Variants in OLA1 observed in about 807,000 individuals in gnomAD.
The protein encoded by OLA1 is Obg like ATPase 1, also known as obg-like ATPase 1.
Under a neutral mutation model 48.4 loss-of-function variants are expected in OLA1, and 14 were observed. That is an observed-to-expected ratio of 0.29 (90% CI 0.19 to 0.45). The LOEUF is 0.45. Ranked by LOEUF, OLA1 falls within the 20% of genes least tolerant of loss-of-function variation. The probability of loss-of-function intolerance (pLI) is 1.00; values close to 1 mark genes in which losing one functional copy is unlikely to be tolerated. For synonymous variants in OLA1, 127 were observed against 150.4 expected (o/e 0.84, Z 1.14); for missense variants, 325 against 467.1 (o/e 0.70, Z 2.80).
chr2:174,227,214 G>T (rs1422676582), intron 3 of OLA1, among the ~76,000 whole-genome samples: 1 of 152,028 alleles, frequency 6.6e-6, no homozygotes, highest in Admixed American at 6.6e-5. Flanking sequence ...AGACCACCCT[G>T]GGGCAACACA....
chr2:174,109,892 A>G (rs1685607027), intron 7 of OLA1, among the ~76,000 whole-genome samples: 2 of 152,152 alleles, frequency 1.3e-5, no homozygotes, highest in South Asian at 4.1e-4. Flanking sequence ...CTTTTTTTGT[A>G]CCTATCACCC....
chr2:174,144,308 T>C (rs1686528262), intron 4 of OLA1, among the ~76,000 whole-genome samples: 1 of 152,098 alleles, frequency 6.6e-6, no homozygotes, highest in African/African-American at 2.4e-5. Context: ...GCCCCAAGGT[T>C]AGTATTATTG....
At chr2:174,191,861 T>C (rs1308685828) in intron 4 of OLA1, among the ~76,000 whole-genome samples, 6 of 152,190 alleles carry the variant, frequency 3.9e-5, no homozygotes, top group African/African-American at 1.4e-4. Flanking sequence ...GCTGTCTAAA[T>C]TCTAGATGCA....
intron 7 of OLA1, among the ~76,000 whole-genome samples, chr2:174,087,459 G>A (rs1685008759): frequency 7.4e-6 from 1 of 134,894 alleles, no homozygotes; most frequent in African/African-American, 2.6e-5. Flanking sequence ...CATCTTAACA[G>A]GAAGCACTTC....
At chr2:174,208,862 G>A (rs1433104549) in intron 4 of OLA1, among the ~76,000 whole-genome samples, 2 of 152,168 alleles carry the variant, frequency 1.3e-5, no homozygotes, top group African/African-American at 2.4e-5. Flanking sequence ...ATGTATCAGA[G>A]CATCAAATAA....
Position 174,150,764 on chromosome 2 carries a change from A to C in OLA1, c.374-8764T>G, listed in dbSNP as rs561097520. The stretch of plus-strand genomic sequence containing the variant: ...AGAATTAAAATCAAAAGTCAAAATA[A>C]AAGGATCTTGATCTCAGTAACTGGA... On this transcript the variant is annotated intron_variant, in intron 4 of 10. Coordinates refer to ENST00000284719, the MANE Select transcript of OLA1 (RefSeq NM_013341.5). Among the ~76,000 whole-genome samples, 4 of 152,322 alleles carry C rather than the reference A, an allele frequency of 2.6e-5. 1 individual carries two copies. The highest frequency in any genetic ancestry group is 9.6e-5 in the African/African-American group (4 of 41,572).
At chr2:174,210,678 C>G (rs1688220973) in intron 4 of OLA1, among the ~76,000 whole-genome samples, 1 of 152,028 alleles carries the variant, frequency 6.6e-6, no homozygotes, top group African/African-American at 2.4e-5. Flanking sequence ...ATGCTTTTTG[C>G]TAGCAAGTAG....
intron 5 of OLA1, among the ~76,000 whole-genome samples, chr2:174,138,852 T>C (rs1240246038): frequency 6.6e-6 from 1 of 152,226 alleles, no homozygotes; most frequent in Non-Finnish European, 1.5e-5. Flanking sequence ...AGGACATTAA[T>C]TTTTTACTCA....
At chr2:174,116,836 A>T (rs2105363497) in intron 7 of OLA1, among the ~76,000 whole-genome samples, 1 of 152,332 alleles carries the variant, frequency 6.6e-6, no homozygotes, top group East Asian at 1.9e-4. Context: ...ACATACATTC[A>T]TACTCAGAGA....
intron 7 of OLA1, among the ~76,000 whole-genome samples, chr2:174,104,853 A>G (rs1408557711): frequency 6.6e-6 from 1 of 152,006 alleles, no homozygotes; most frequent in Non-Finnish European, 1.5e-5. Flanking sequence ...CCAGACACAC[A>G]GGTCTATTGA....
intron 7 of OLA1, among the ~76,000 whole-genome samples, chr2:174,114,466 G>A (rs1685735604): frequency 6.6e-6 from 1 of 151,318 alleles, no homozygotes; most frequent in Admixed American, 6.6e-5. Context: ...AAAACTGCTA[G>A]TGACCTTCAT....
At chr2:174,162,627 C>T (rs1687039085) in intron 4 of OLA1, among the ~76,000 whole-genome samples, 1 of 152,106 alleles carries the variant, frequency 6.6e-6, no homozygotes, top group Non-Finnish European at 1.5e-5. Flanking sequence ...CTAAATAATA[C>T]TATGATGCTG....
Position 174,141,849 on chromosome 2 carries a change from T to G in OLA1, c.525A>C (p.Gly175=), listed in dbSNP as rs771562983. 10 of 1,604,894 alleles carry G rather than the reference T, an allele frequency of 6.2e-6. No homozygotes were observed. In the South Asian group the frequency reaches 6.8e-5, roughly 11 times the overall value. ...DKLEKVAVRG[G]DKKLKPEYDI... Reference sequence around the variant, plus strand: ...CATATTCAGGTTTTAGTTTTTTATCTCCTCCTCTCACAGCCACCTTTTCTA... The same window carrying G: ...CATATTCAGGTTTTAGTTTTTTATCGCCTCCTCTCACAGCCACCTTTTCTA... The change falls in exon 5 of 11, where the codon GGA becomes GGC. Residue 175 remains glycine, a synonymous_variant. Transcript: ENST00000284719.
chr2:174,146,722 T>C (rs1037388082), intron 4 of OLA1, among the ~76,000 whole-genome samples: 1 of 152,162 alleles, frequency 6.6e-6, no homozygotes, highest in African/African-American at 2.4e-5. Flanking sequence ...GGAAGGTGTA[T>C]TCAACCGTCA....
intron 4 of OLA1, among the ~76,000 whole-genome samples, chr2:174,156,971 T>G (rs776265998): frequency 2.0e-5 from 3 of 151,090 alleles, no homozygotes; most frequent in Non-Finnish European, 4.4e-5. Flanking sequence ...AGTAGTTGAC[T>G]GTTGGGTAGT....
At chr2:174,231,040 T>C (rs1688718437) in intron 2 of OLA1, among the ~76,000 whole-genome samples, 1 of 152,170 alleles carries the variant, frequency 6.6e-6, no homozygotes, top group Non-Finnish European at 1.5e-5. Flanking sequence ...CAGCAAAACA[T>C]TTGGAGGAAA....
chr2:174,087,522 CTTTT>C (rs139509080), intron 7 of OLA1, among the ~76,000 whole-genome samples: 1 of 140,048 alleles, frequency 7.1e-6, no homozygotes, highest in East Asian at 1.9e-4. Context: ...ATCTTTCAAA[CTTTT>C]TTTTGACCAC....
rs183690869 is a variant in OLA1, at chr2:174,099,137, A to G, written c.729-17073T>C. On this transcript the variant is annotated intron_variant, in intron 7 of 10. Coordinates refer to ENST00000284719, the MANE Select transcript of OLA1 (RefSeq NM_013341.5). ...GGTAAACCAGTAGAAAGCGTATTTG[A>G]GTTTGACTTTGTTATTTTATTTATT... 6.6e-5 allele frequency among the ~76,000 whole-genome samples: 10 copies of G among 152,026 alleles called. No homozygotes were observed. The East Asian group carries it at 1.7e-3, about 26-fold the overall frequency.
At chr2:174,177,689 G>C (rs190840161) in intron 4 of OLA1, among the ~76,000 whole-genome samples, 65 of 152,118 alleles carry the variant, frequency 4.3e-4, no homozygotes, top group Admixed American at 1.3e-3. Flanking sequence ...TTTTGACAAA[G>C]TCAGCTAGCT....
Sources: gnomAD v4.1 joint callset for allele counts (sites outside exome capture counted in the v4.1 genomes callset) on GRCh38, gnomAD v4.1.1 for gene constraint, MANE v1.5 for transcripts, NCBI Gene and HGNC (gene_info 2026-07-23, HGNC 2026-07-21) for gene names.